SLC9A9: variants seen among roughly 807,000 people sequenced by gnomAD.
SLC9A9 encodes the protein sodium/hydrogen exchanger 9.
SLC9A9 carries 62 observed loss-of-function variants against 77.8 expected under a neutral mutation model. The observed-to-expected ratio is 0.80, with a 90% CI of 0.65 to 0.98. SLC9A9 has a LOEUF of 0.98. Among genes scored for constraint, SLC9A9 ranks in the 50% least tolerant of loss-of-function variants. The pLI is 0.00. For synonymous variants in SLC9A9, 320 were observed against 283.5 expected (o/e 1.13, Z -1.29); for missense variants, 775 against 774.9 (o/e 1.00, Z 0.00).
At position 143,460,778 on chromosome 3, in the gene SLC9A9, C is replaced by T. The variant is rs149759798; in HGVS notation, c.1469+6259G>A. On this transcript the variant is annotated intron_variant, in intron 12 of 15. Coordinates refer to ENST00000316549, the MANE Select transcript of SLC9A9 (RefSeq NM_173653.4). ...AAATTTAGGAACTGCTAATTCATAA[C>T]AATTGTTATAAACCTAGAATATTTT... Among the ~76,000 whole-genome samples the T allele has an allele frequency of 3.0e-3, 451 of 152,226 alleles. 3 individuals carry two copies. The highest frequency in any genetic ancestry group is 0.01 in the African/African-American group (417 of 41,558).
chr3:143,720,459 G>C (rs947312887), intron 4 of SLC9A9, among the ~76,000 whole-genome samples: 1 of 152,202 alleles, frequency 6.6e-6, no homozygotes, highest in Non-Finnish European at 1.5e-5. Context: ...AATACAGTTG[G>C]CTGCCAATGC....
At chr3:143,504,824 A>G (rs9882547) in intron 9 of SLC9A9, among the ~76,000 whole-genome samples, 42,262 of 152,096 alleles carry the variant, frequency 0.28, 6,559 homozygotes, top group Non-Finnish European at 0.36. Flanking sequence ...AGGCATTAAT[A>G]CACTTGCATT....
At chr3:143,725,136 C>T (rs1934606141) in intron 4 of SLC9A9, among the ~76,000 whole-genome samples, 1 of 152,136 alleles carries the variant, frequency 6.6e-6, no homozygotes, top group African/African-American at 2.4e-5. Context: ...TATTTAAAGG[C>T]TTTGAAGACA....
chr3:143,566,618 T>C lies in SLC9A9; in HGVS notation c.1000+7470A>G, dbSNP rs548700611. On this transcript the variant is annotated intron_variant, in intron 8 of 15. Coordinates refer to ENST00000316549, the MANE Select transcript of SLC9A9 (RefSeq NM_173653.4). ...TCTAAGCTGAGTAAATAGTGTTCTA[T>C]ACTGTTTAACTTTTTGTATGAGAAA... 2.0e-5 allele frequency among the ~76,000 whole-genome samples: 3 copies of C among 152,280 alleles called. No individual in the cohort carries two copies. The South Asian group carries it at 6.2e-4, about 32-fold the overall frequency.
intron 14 of SLC9A9, among the ~76,000 whole-genome samples, chr3:143,302,489 G>T (rs189409933): frequency 6.6e-6 from 1 of 152,326 alleles, no homozygotes; most frequent in East Asian, 1.9e-4. Flanking sequence ...GCCCAAGAAA[G>T]GAGATGCAGG....
chr3:143,487,047 A>C (rs977372412), intron 11 of SLC9A9, among the ~76,000 whole-genome samples: 2 of 152,034 alleles, frequency 1.3e-5, no homozygotes, highest in Non-Finnish European at 2.9e-5. Context: ...TTTTAGGTCC[A>C]ATGACACAAA....
chr3:143,276,258 A>G (rs994344087), intron 14 of SLC9A9, among the ~76,000 whole-genome samples: 1 of 152,216 alleles, frequency 6.6e-6, no homozygotes, highest in Non-Finnish European at 1.5e-5. Flanking sequence ...GGATGTTTTC[A>G]AAAACATTCC....
Position 143,502,794 on chromosome 3 carries a change from G to C in SLC9A9, c.1090-7346C>G, listed in dbSNP as rs556262704. 1.1e-3 allele frequency among the ~76,000 whole-genome samples: 160 copies of C among 152,172 alleles called. 1 individual carries two copies. Among genetic ancestry groups the C allele is most frequent in the African/African-American group, 3.7e-3 (154 of 41,528 alleles). On this transcript the variant is annotated intron_variant, in intron 9 of 15. Coordinates refer to ENST00000316549, the MANE Select transcript of SLC9A9 (RefSeq NM_173653.4). ...ACTGCAATGAAAATTAAATGAAATG[G>C]TTATTTTCTTTAGAATTTTATCTCA... is the stretch of plus-strand genomic sequence containing the variant.
chr3:143,374,726 A>G (rs747907722), intron 13 of SLC9A9, among the ~76,000 whole-genome samples: 5 of 152,200 alleles, frequency 3.3e-5, no homozygotes, highest in African/African-American at 4.8e-5. Context: ...AAATAAGCAC[A>G]TTATGGAAAA....
intron 4 of SLC9A9, among the ~76,000 whole-genome samples, chr3:143,767,284 G>C (rs186874247): frequency 6.6e-6 from 1 of 152,068 alleles, no homozygotes; most frequent in Admixed American, 6.6e-5. Context: ...CCCATACTGA[G>C]TAAATTTATT....
At chr3:143,327,526 A>T (rs2031641387) in intron 14 of SLC9A9, among the ~76,000 whole-genome samples, 1 of 152,166 alleles carries the variant, frequency 6.6e-6, no homozygotes, top group African/African-American at 2.4e-5. Context: ...TCCATTTCTT[A>T]TGCCCTGAGG....
At chr3:143,481,308 G>A (rs1037188412) in intron 11 of SLC9A9, among the ~76,000 whole-genome samples, 3 of 152,194 alleles carry the variant, frequency 2.0e-5, no homozygotes, top group African/African-American at 7.2e-5. Flanking sequence ...ACAAAGGCTT[G>A]TTATCAGAAG....
intron 12 of SLC9A9, among the ~76,000 whole-genome samples, chr3:143,413,445 G>C (rs1245409111): frequency 6.6e-6 from 1 of 152,116 alleles, no homozygotes; most frequent in South Asian, 2.1e-4. Context: ...ACTCATTCCC[G>C]ATTACAGACT....
chr3:143,484,587 C>T lies in SLC9A9; in HGVS notation c.1315+9066G>A, dbSNP rs549904371. 3.9e-5 allele frequency among the ~76,000 whole-genome samples: 6 copies of T among 152,170 alleles called. No homozygotes were observed. In the East Asian group the frequency reaches 7.7e-4, roughly 20 times the overall value. ...AAGATCCTGAGCCTAGGGCTGGGAG[C>T]GGGTGTTGTCCACATATTGGCTTTG... On this transcript the variant is annotated intron_variant, in intron 11 of 15. Transcript: ENST00000316549.
chr3:143,398,338 T>C (rs1472779053), intron 12 of SLC9A9, among the ~76,000 whole-genome samples: 2 of 152,110 alleles, frequency 1.3e-5, no homozygotes, highest in African/African-American at 2.4e-5. Context: ...TGAATCAGAC[T>C]TATTCCTGAG....
chr3:143,720,010 T>C (rs187138737), intron 4 of SLC9A9, among the ~76,000 whole-genome samples: 1 of 152,104 alleles, frequency 6.6e-6, no homozygotes, highest in African/African-American at 2.4e-5. Flanking sequence ...TTCTCTCATA[T>C]GTTGCTGTAA....
chr3:143,844,286 G>C (rs1010525088), intron 1 of SLC9A9, among the ~76,000 whole-genome samples: 2 of 152,072 alleles, frequency 1.3e-5, no homozygotes, highest in African/African-American at 4.8e-5. Context: ...TAAACTGCTT[G>C]TTTTCTAAGC....
At chr3:143,319,996 G>C (rs1232891930) in intron 14 of SLC9A9, among the ~76,000 whole-genome samples, 2 of 152,156 alleles carry the variant, frequency 1.3e-5, no homozygotes, top group Non-Finnish European at 2.9e-5. Flanking sequence ...CACGATTTTT[G>C]CCACAGCTTG....
chr3:143,276,808 A>G (rs552987102), intron 14 of SLC9A9, among the ~76,000 whole-genome samples: 1 of 152,004 alleles, frequency 6.6e-6, no homozygotes, highest in African/African-American at 2.4e-5. Context: ...AACTGCCTAC[A>G]TGCATGTTAT....
Sources: allele counts gnomAD v4.1 joint callset (sites outside exome capture counted in the v4.1 genomes callset), GRCh38; gene constraint gnomAD v4.1.1; transcripts MANE v1.5; gene names NCBI Gene and HGNC (gene_info 2026-07-23, HGNC 2026-07-21).